PLCH2: variants seen among roughly 807,000 people sequenced by gnomAD.
PLCH2 encodes phospholipase C eta 2.
In PLCH2, 98 loss-of-function variants were observed where a neutral mutation model predicts 134.7. The observed-to-expected ratio is 0.73, with a 90% CI of 0.62 to 0.86. The LOEUF is 0.86. PLCH2 is among the 40% of genes least tolerant of loss of function. The probability of loss-of-function intolerance (pLI) is 0.00; values close to 1 mark genes in which losing one functional copy is unlikely to be tolerated. For synonymous variants in PLCH2, 974 were observed against 827.5 expected (o/e 1.18, Z -3.04); for missense variants, 1,994 against 1,986.6 (o/e 1.00, Z -0.07).
At chr1:2,487,868 TGAG>T (rs1642369393) in intron 8 of PLCH2, 150 bp downstream of exon 8, 2 of 762,522 alleles carry the variant, frequency 2.6e-6, no homozygotes, top group East Asian at 2.8e-5. Context: ...CATCTCTGGT[TGAG>T]GAGAGAGGGG....
chr1:2,423,573 T>A (rs1224665086), upstream of PLCH2, among the ~76,000 whole-genome samples: 1 of 151,884 alleles, frequency 6.6e-6, no homozygotes, highest in Non-Finnish European at 1.5e-5. Context: ...TTAAGGAGAT[T>A]ATGGAGGGTG....
chr1:2,458,456 C>G (rs1339216412), intron 2 of PLCH2, among the ~76,000 whole-genome samples: 1 of 152,318 alleles, frequency 6.6e-6, no homozygotes, highest in South Asian at 2.1e-4. Flanking sequence ...TGGGCACTGG[C>G]CTGGCCTGAC....
chr1:2,426,523 C>A (rs972933309), intron 1 of PLCH2, among the ~76,000 whole-genome samples: 1 of 152,144 alleles, frequency 6.6e-6, no homozygotes, highest in Non-Finnish European at 1.5e-5. Context: ...GCGGAGTCCC[C>A]GGCCTACACA....
In PLCH2 at chr1:2,480,220, G is replaced by T; in HGVS notation, c.553G>T (p.Gly185Trp). The change falls in exon 4 of 22, where the codon GGG (glycine) becomes TGG (tryptophan). Residue 185 changes from glycine to tryptophan, a missense_variant. This residue lies in a region of PLCH2 where 1,094 missense variants were observed against 1,234.3 expected (regional missense o/e 0.89). Coordinates refer to ENST00000378486, the MANE Select transcript of PLCH2 (RefSeq NM_014638.4). ...KQTFDEADKN[G>W]DGSLSIGEVL... is the part of the protein sequence containing the mutation. ...GACGTTTGACGAGGCCGACAAGAAC[G>T]GGGATGGCAGCCTGAGCATTGGCGA... 6.2e-7 allele frequency: 1 copy of T among 1,612,902 alleles called. No individual in the cohort carries two copies. The highest frequency in any genetic ancestry group is 1.1e-5 in the South Asian group (1 of 91,082).
intron 2 of PLCH2, among the ~76,000 whole-genome samples, chr1:2,454,469 G>A (rs1234098977): frequency 6.6e-6 from 1 of 152,204 alleles, no homozygotes; most frequent in Non-Finnish European, 1.5e-5. Flanking sequence ...CCCTCCGGGA[G>A]GATGGTCTGT....
rs1643016947 is a variant in PLCH2, at chr1:2,498,476, G to A, written c.2225-47G>A. The A allele has an allele frequency of 1.3e-6, 2 of 1,582,318 alleles. No individual in the cohort carries two copies. Among genetic ancestry groups the A allele is most frequent in the Non-Finnish European group, 8.6e-7 (1 of 1,162,816 alleles). ...GCAGCCATGCCCCAGCAAGCAGGGG[G>A]CTTGCTGAGGGCTGGGCCACTGACC... On this transcript the variant is annotated intron_variant, in intron 16 of 21. Transcript: ENST00000378486. This position sits in a 1 kb window ranked among gnomAD's most constrained non-coding sequence, Gnocchi z 5.4.
chr1:2,504,052 G>GC lies in PLCH2; in HGVS notation c.3095dup (p.Tyr1033IlefsTer17). 1.3e-6 allele frequency: 2 copies of GC among 1,547,596 alleles called. No individual in the cohort carries two copies. Among genetic ancestry groups the GC allele is most frequent in the South Asian group, 2.4e-5 (2 of 83,884 alleles). On this transcript the variant is annotated frameshift_variant, in exon 22 of 22. Transcript: ENST00000378486. LOFTEE classifies it high-confidence loss of function. ...TCCCCACCAGCTCTTCTCAGGGACG[G>GC]CCCCCATACCCCACAGGACCCGGAG...
At chr1:2,495,079 C>G (rs1024570766) in intron 12 of PLCH2, 131 bp downstream of exon 12, 2 of 667,802 alleles carry the variant, frequency 3.0e-6, no homozygotes, top group Non-Finnish European at 2.6e-6. Flanking sequence ...GGCCCTGCCC[C>G]AGCCAGAGCA....
At chr1:2,434,954 C>T (rs988097554) in intron 2 of PLCH2, among the ~76,000 whole-genome samples, 1 of 151,746 alleles carries the variant, frequency 6.6e-6, no homozygotes, top group African/African-American at 2.4e-5. Flanking sequence ...AGTGTGTCCC[C>T]GTGGCCCAGA....
chr1:2,480,804 C>T (rs1641922589), intron 4 of PLCH2, among the ~76,000 whole-genome samples: 1 of 152,132 alleles, frequency 6.6e-6, no homozygotes, highest in Non-Finnish European at 1.5e-5. Flanking sequence ...AGCTGAGCTG[C>T]GGCCTTTATT....
In PLCH2 at chr1:2,505,061, G is replaced by A. The variant is rs1643469754; in HGVS notation, c.4099G>A (p.Gly1367Ser). 5.2e-6 allele frequency: 8 copies of A among 1,539,190 alleles called. No homozygotes were observed. The highest frequency in any genetic ancestry group is 1.9e-5 in the Admixed American group (1 of 51,488). ...GCGGCAGCAGAGACTGCAGGGCCTG[G>A]GCCGGCAGGGACCCCCAGAAGAGGA... ...QERQQRLQGL[G>S]RQGPPEEERG... Residue 1367 changes from glycine to serine, a missense_variant, in exon 22 of 22, where the codon GGC becomes AGC. By Grantham distance (56) the Gly-to-Ser change is moderately conservative. Transcript: ENST00000378486.
chr1:2,478,004 C>T (rs1348103932), intron 1 of PLCH2, among the ~76,000 whole-genome samples: 2 of 152,174 alleles, frequency 1.3e-5, no homozygotes, highest in African/African-American at 2.4e-5. Context: ...GCACTATGGC[C>T]CCAGACAGCC....
At chr1:2,490,877 C>G (rs1226739562) in intron 10 of PLCH2, among the ~76,000 whole-genome samples, 1 of 152,248 alleles carries the variant, frequency 6.6e-6, no homozygotes, top group Non-Finnish European at 1.5e-5. Context: ...CCTGGCCCTG[C>G]CATCTCCTGA....
chr1:2,496,795 T>C (rs569899806), intron 14 of PLCH2, 33 bp from the exon 15 acceptor site: 2 of 1,610,482 alleles, frequency 1.2e-6, no homozygotes, highest in South Asian at 2.2e-5. Flanking sequence ...GGTCGAGGAC[T>C]GGCAGTCTGA....
At chr1:2,427,635 G>A (rs936035986) in intron 1 of PLCH2, among the ~76,000 whole-genome samples, 1 of 152,200 alleles carries the variant, frequency 6.6e-6, no homozygotes, top group East Asian at 1.9e-4. Flanking sequence ...CGCAGAAGGT[G>A]GGAGGGAGGA....
chr1:2,438,036 G>A (rs993981494), intron 2 of PLCH2, among the ~76,000 whole-genome samples: 2 of 152,212 alleles, frequency 1.3e-5, no homozygotes, highest in Non-Finnish European at 2.9e-5. Context: ...TACTGCCTCA[G>A]CATTAGTAAA....
At chr1:2,480,044 G>C in intron 3 of PLCH2, 67 bp downstream of exon 3, 1 of 1,582,210 alleles carries the variant, frequency 6.3e-7, no homozygotes, top group South Asian at 1.1e-5. Context: ...CACCCTGGGG[G>C]GGCCTGTCCT....
At chr1:2,492,092 C>T (rs541049050) in intron 11 of PLCH2, among the ~76,000 whole-genome samples, 7 of 152,376 alleles carry the variant, frequency 4.6e-5, no homozygotes, top group East Asian at 3.9e-4. Context: ...CCTGTGGCAC[C>T]GGCTCGTTCT....
At chr1:2,472,710 C>T (rs1435796658), upstream of PLCH2, among the ~76,000 whole-genome samples, 1 of 152,166 alleles carries the variant, frequency 6.6e-6, no homozygotes, top group Non-Finnish European at 1.5e-5. Flanking sequence ...TTGAAATGTC[C>T]TGCTGAAAGG....
Sources: gnomAD v4.1 joint callset for allele counts (sites outside exome capture counted in the v4.1 genomes callset) on GRCh38, gnomAD v4.1.1 for gene constraint, gnomAD v4.1.1 regional missense constraint, Gnocchi (gnomAD v3.1) non-coding constraint, MANE v1.5 for transcripts, NCBI Gene and HGNC (gene_info 2026-07-23, HGNC 2026-07-21) for gene names.